The following PTPN13 variants were observed in gnomAD, a reference collection of about 807,000 sequenced individuals.
The protein encoded by PTPN13 is protein tyrosine phosphatase non-receptor type 13.
A neutral mutation model predicts 284.0 loss-of-function variants in PTPN13; 191 were observed. That is an observed-to-expected ratio of 0.67 (90% CI 0.60 to 0.76). The LOEUF is 0.76. PTPN13 is among the 30% of genes least tolerant of loss of function. PTPN13 has a pLI of 0.00. For synonymous variants in PTPN13, 986 were observed against 1,022.3 expected (o/e 0.96, Z 0.68); for missense variants, 2,797 against 2,939.9 (o/e 0.95, Z 1.12).
At chr4:86,736,223 A>C (rs1474697506) in intron 15 of PTPN13, among the ~76,000 whole-genome samples, 1 of 152,184 alleles carries the variant, frequency 6.6e-6, no homozygotes, top group African/African-American at 2.4e-5. Context: ...ACAAAAATTG[A>C]CTTATTAGTT....
intron 2 of PTPN13, among the ~76,000 whole-genome samples, chr4:86,635,821 G>T (rs1332127967): frequency 6.6e-6 from 1 of 151,934 alleles, no homozygotes; most frequent in Non-Finnish European, 1.5e-5. Flanking sequence ...AAATTTAGCC[G>T]GTGTAGTGGT....
rs568694025 is a variant in PTPN13 at position 86,652,348 on chromosome 4, T to C, written c.115+16977T>C. On this transcript the variant is annotated intron_variant, in intron 2 of 47. Transcript: ENST00000411767. ...TTCTGTATTTTTTATGTACTTATTA[T>C]CACTAGTGAATTTTATTCTGTCAGA... Among the ~76,000 whole-genome samples the C allele has an allele frequency of 6.6e-5, 10 of 152,316 alleles. 1 individual carries two copies. The East Asian group carries it at 1.9e-3, about 29-fold the overall frequency.
intron 2 of PTPN13, among the ~76,000 whole-genome samples, chr4:86,656,854 G>A (rs905471912): frequency 1.3e-5 from 2 of 152,204 alleles, no homozygotes; most frequent in Non-Finnish European, 2.9e-5. Context: ...AGGCCTCCTT[G>A]AGCTGGGGTG....
rs181292136 is a variant in PTPN13 at position 86,805,005 on chromosome 4, A to G, written c.6655-274A>G. 1.1e-3 allele frequency among the ~76,000 whole-genome samples: 170 copies of G among 152,310 alleles called. 1 individual carries two copies. Among genetic ancestry groups the G allele is most frequent in the Admixed American group, 2.2e-3 (34 of 15,302 alleles). The stretch of plus-strand genomic sequence containing the variant: ...TTTTAATTGTATTTTTTTCTAAAAT[A>G]TAAACACTTTTAAACAGAAGTTAAA... On this transcript the variant is annotated intron_variant, in intron 43 of 47. Coordinates refer to ENST00000411767, the MANE Select transcript of PTPN13 (RefSeq NM_080683.3).
intron 15 of PTPN13, among the ~76,000 whole-genome samples, chr4:86,738,958 G>A (rs1735843689): frequency 2.6e-5 from 4 of 152,230 alleles, no homozygotes; most frequent in African/African-American, 2.4e-5. Context: ...TGAGATTACA[G>A]GCATAAGCCA....
At chr4:86,732,962 T>A (rs1367721112) in intron 12 of PTPN13, among the ~76,000 whole-genome samples, 196 bp downstream of exon 12, 1 of 152,156 alleles carries the variant, frequency 6.6e-6, no homozygotes, top group Non-Finnish European at 1.5e-5. Context: ...AGGCACCTTC[T>A]GTATCTGACT....
At chr4:86,726,663 G>C (rs1734287356) in intron 10 of PTPN13, among the ~76,000 whole-genome samples, 1 of 149,492 alleles carries the variant, frequency 6.7e-6, no homozygotes, top group African/African-American at 2.4e-5. Context: ...CATTGATTTT[G>C]TATCCTGACA....
intron 2 of PTPN13, among the ~76,000 whole-genome samples, chr4:86,654,638 G>C (rs1357413591): frequency 1.3e-5 from 2 of 152,182 alleles, no homozygotes; most frequent in Non-Finnish European, 2.9e-5. Flanking sequence ...TTTTACATTT[G>C]CTGAGGAGTG....
intron 10 of PTPN13, among the ~76,000 whole-genome samples, chr4:86,731,756 G>C (rs1308300775): frequency 1.3e-5 from 2 of 152,050 alleles, no homozygotes; most frequent in Non-Finnish European, 2.9e-5. Flanking sequence ...TTATCCTCTG[G>C]CCTCAGCCCT....
At chr4:86,797,992 G>A (rs1743545965) in intron 41 of PTPN13, among the ~76,000 whole-genome samples, 1 of 152,146 alleles carries the variant, frequency 6.6e-6, no homozygotes, top group Non-Finnish European at 1.5e-5. Context: ...ACTTTTGTAG[G>A]TGATGATACC....
intron 41 of PTPN13, among the ~76,000 whole-genome samples, chr4:86,798,119 A>G (rs1203279002): frequency 6.6e-6 from 1 of 152,130 alleles, no homozygotes; most frequent in South Asian, 2.1e-4. Flanking sequence ...TTTGAGATTG[A>G]GAAACAAAAA....
At chr4:86,780,895 T>C (rs960270152) in intron 36 of PTPN13, among the ~76,000 whole-genome samples, 3 of 152,228 alleles carry the variant, frequency 2.0e-5, no homozygotes, top group African/African-American at 7.2e-5. Context: ...TATGATTCTA[T>C]TACACAGTTG....
intron 1 of PTPN13, among the ~76,000 whole-genome samples, chr4:86,610,113 C>G (rs978000157): frequency 6.6e-6 from 1 of 152,046 alleles, no homozygotes; most frequent in Non-Finnish European, 1.5e-5. Flanking sequence ...ACTTGGGAGG[C>G]TGAGGCAGGA....
chr4:86,759,103 CT>C (rs1462981515), intron 23 of PTPN13, 30 bp downstream of exon 23: 1 of 1,598,312 alleles, frequency 6.3e-7, no homozygotes. Flanking sequence ...CTTATGTATT[CT>C]GTTTCACTTT....
intron 1 of PTPN13, among the ~76,000 whole-genome samples, chr4:86,617,527 A>G (rs1720698199): frequency 6.6e-6 from 1 of 152,110 alleles, no homozygotes; most frequent in Non-Finnish European, 1.5e-5. Flanking sequence ...TGCACCCATT[A>G]ACTCATCATT....
Position 86,767,806 on chromosome 4 carries a change from T to C in PTPN13, c.4330-11T>C. On this transcript the variant is annotated splice_polypyrimidine_tract_variant and intron_variant, in intron 27 of 47. Transcript: ENST00000411767. ...CTTCTTAATTAATGAAATGCTATTT[T>C]ACTTATCCAGGTGGTTCATCTGTTA... 6.5e-7 allele frequency: 1 copy of C among 1,532,946 alleles called. No homozygotes were observed. Among genetic ancestry groups the C allele is most frequent in the South Asian group, 1.2e-5 (1 of 80,732 alleles). The allele number at this position is 1,532,946 out of a possible 1,614,324, so 95.0% of individuals were successfully genotyped here.
chr4:86,652,725 AC>A (rs911918913), intron 2 of PTPN13, among the ~76,000 whole-genome samples: 12 of 151,536 alleles, frequency 7.9e-5, no homozygotes, highest in African/African-American at 2.9e-4. Context: ...ATAATTATAT[AC>A]CTTGAGGTAG....
chr4:86,809,810 C>G lies in PTPN13; in HGVS notation c.7125C>G (p.Ala2375=), dbSNP rs1212361275. ...VRHISHLNFT[A]WPDHDTPSQP... is the part of the protein sequence containing the mutation. ...ATATTTCTCATCTGAATTTCACTGCCTGGCCAGACCATGATACACCTTCTC... is the reference window on the plus strand; with the variant it reads ...ATATTTCTCATCTGAATTTCACTGCGTGGCCAGACCATGATACACCTTCTC... Residue 2375 remains alanine (A), a synonymous_variant, in exon 46 of 48, where the codon GCC becomes GCG. Transcript: ENST00000411767. The G allele has an allele frequency of 6.2e-7, 1 of 1,613,928 alleles. No individual in the cohort carries two copies. The highest frequency in any genetic ancestry group is 2.2e-5 in the East Asian group (1 of 44,904).
intron 1 of PTPN13, among the ~76,000 whole-genome samples, chr4:86,610,881 A>C (rs1359604886): frequency 6.6e-6 from 1 of 152,220 alleles, no homozygotes; most frequent in Non-Finnish European, 1.5e-5. Context: ...ATTAATAATG[A>C]TTCCAGCTGT....
Sources: gnomAD v4.1 joint callset for allele counts (sites outside exome capture counted in the v4.1 genomes callset) on GRCh38, gnomAD v4.1.1 for gene constraint, MANE v1.5 for transcripts, NCBI Gene and HGNC (gene_info 2026-07-23, HGNC 2026-07-21) for gene names.